Variants in CRPPA observed in about 807,000 individuals in gnomAD.
The protein encoded by CRPPA is CDP-L-ribitol pyrophosphorylase A.
In CRPPA, 43 loss-of-function variants were observed where a neutral mutation model predicts 52.0. That is an observed-to-expected ratio of 0.83 (90% CI 0.65 to 1.07). The LOEUF (loss-of-function observed/expected upper bound fraction) is 1.07. Ranked by LOEUF, CRPPA falls within the 50% of genes least tolerant of loss-of-function variation. The pLI is 0.00. For missense variants in CRPPA, 629 were observed against 551.7 expected (o/e 1.14, Z -1.40); for synonymous variants, 250 against 203.5 (o/e 1.23, Z -1.94).
At chr7:16,340,151 TAAAAGGTAACAAAGGAGAA>T (rs770497253) in intron 3 of CRPPA, among the ~76,000 whole-genome samples, 13 of 151,970 alleles carry the variant, frequency 8.6e-5, no homozygotes, top group Admixed American at 4.6e-4. Flanking sequence ...ATAAAACTCA[TAAAAGGTAACAAAGGAGAA>T]AAACCAAGAT....
chr7:16,246,938 G>C (rs951414966), intron 8 of CRPPA, among the ~76,000 whole-genome samples: 1 of 152,228 alleles, frequency 6.6e-6, no homozygotes, highest in Non-Finnish European at 1.5e-5. Flanking sequence ...CTCCTAATAA[G>C]TGTCAGTCTA....
chr7:16,409,889 G>C (rs1788037901), intron 1 of CRPPA, among the ~76,000 whole-genome samples: 1 of 151,902 alleles, frequency 6.6e-6, no homozygotes, highest in Non-Finnish European at 1.5e-5. Context: ...TGTCTGTTTT[G>C]TCCATTGCCT....
chr7:16,345,430 C>G (rs1785987805), intron 3 of CRPPA, among the ~76,000 whole-genome samples: 1 of 152,060 alleles, frequency 6.6e-6, no homozygotes, highest in Non-Finnish European at 1.5e-5. Flanking sequence ...AAAGTAAGCA[C>G]ATATACAAAT....
rs536285736 is a variant in CRPPA at position 16,320,895 on chromosome 7, A to C, written c.685-12268T>G. Among the ~76,000 whole-genome samples, 63 of 152,304 alleles carry C rather than the reference A, an allele frequency of 4.1e-4. 1 individual carries two copies. Among genetic ancestry groups the C allele is most frequent in the African/African-American group, 1.4e-3 (60 of 41,570 alleles). On this transcript the variant is annotated intron_variant, in intron 3 of 9. Coordinates refer to ENST00000407010, the MANE Select transcript of CRPPA (RefSeq NM_001101426.4). Reference sequence around the variant, plus strand: ...ATAAACAATTTCAGACTAAGTCCATATGAGGCTGATAATATAGCTACAACC... The same window carrying C: ...ATAAACAATTTCAGACTAAGTCCATCTGAGGCTGATAATATAGCTACAACC...
chr7:16,183,256 G>A (rs1781445925), intron 9 of CRPPA, among the ~76,000 whole-genome samples: 1 of 152,200 alleles, frequency 6.6e-6, no homozygotes. Flanking sequence ...CATAGTTGAT[G>A]TTCCTAACAT....
At chr7:16,155,393 A>G (rs938463501) in intron 9 of CRPPA, among the ~76,000 whole-genome samples, 12 of 152,166 alleles carry the variant, frequency 7.9e-5, no homozygotes, top group African/African-American at 2.4e-4. Flanking sequence ...TTCATGGACA[A>G]CATAAGTCTA....
chr7:16,102,800 A>C (rs975530691), intron 9 of CRPPA, among the ~76,000 whole-genome samples: 2 of 152,176 alleles, frequency 1.3e-5, no homozygotes, highest in Non-Finnish European at 2.9e-5. Context: ...AAAAGTCAGG[A>C]AACAACAGAT....
At chr7:16,228,447 C>G (rs1331680088) in intron 8 of CRPPA, among the ~76,000 whole-genome samples, 1 of 151,866 alleles carries the variant, frequency 6.6e-6, no homozygotes, top group African/African-American at 2.4e-5. Context: ...TTGCTATCAA[C>G]TTCCCTGTTA....
intron 9 of CRPPA, among the ~76,000 whole-genome samples, chr7:16,135,444 T>A (rs1782746423): frequency 6.6e-6 from 1 of 152,162 alleles, no homozygotes; most frequent in African/African-American, 2.4e-5. Context: ...TTTTGCTTCC[T>A]CAGCTGGCAG....
intron 9 of CRPPA, among the ~76,000 whole-genome samples, chr7:16,092,230 T>G (rs917098650): frequency 6.6e-6 from 1 of 152,158 alleles, no homozygotes; most frequent in African/African-American, 2.4e-5. Flanking sequence ...TTGCTGTTTG[T>G]AAAGTAAGAA....
chr7:16,117,206 G>T (rs909031439), intron 9 of CRPPA, among the ~76,000 whole-genome samples: 1 of 152,132 alleles, frequency 6.6e-6, no homozygotes, highest in Non-Finnish European at 1.5e-5. Context: ...CATGTGAATC[G>T]GTTGTTTCTC....
chr7:16,368,583 T>A (rs1447906574), intron 3 of CRPPA, among the ~76,000 whole-genome samples: 2 of 152,242 alleles, frequency 1.3e-5, no homozygotes, highest in Non-Finnish European at 2.9e-5. Flanking sequence ...CACTTACACT[T>A]ACAAACAGGC....
At chr7:16,407,083 C>A (rs1787971703) in intron 1 of CRPPA, among the ~76,000 whole-genome samples, 1 of 152,178 alleles carries the variant, frequency 6.6e-6, no homozygotes, top group African/African-American at 2.4e-5. Context: ...TCAAACGATT[C>A]TCGTGCCTCA....
rs980285728 is a variant in CRPPA at position 16,344,792 on chromosome 7, T to C, written c.684+31300A>G. ...GAAAGAATTGGCACACCTGAAGATA[T>C]GTTAACTGAGATTATACAAACTGAG... On this transcript the variant is annotated intron_variant, in intron 3 of 9. Transcript: ENST00000407010. 3.3e-5 allele frequency among the ~76,000 whole-genome samples: 5 copies of C among 151,544 alleles called. No individual in the cohort carries two copies. In the East Asian group the frequency reaches 5.8e-4, roughly 18 times the overall value.
At chr7:16,100,050 C>T (rs1400078703) in intron 9 of CRPPA, among the ~76,000 whole-genome samples, 1 of 152,190 alleles carries the variant, frequency 6.6e-6, no homozygotes, top group Non-Finnish European at 1.5e-5. Context: ...CTATCAAACT[C>T]ACAATTTTCA....
intron 3 of CRPPA, among the ~76,000 whole-genome samples, chr7:16,352,970 G>C (rs1786197058): frequency 6.6e-6 from 1 of 151,644 alleles, no homozygotes. Context: ...ATTGTCATTA[G>C]CAAGAATACG....
chr7:16,261,412 A>G (rs1182295850), intron 6 of CRPPA, among the ~76,000 whole-genome samples: 1 of 152,086 alleles, frequency 6.6e-6, no homozygotes, highest in Non-Finnish European at 1.5e-5. Flanking sequence ...GGTCTGGTCA[A>G]TCATGCTGTT....
At chr7:16,288,191 C>T (rs973617283) in intron 5 of CRPPA, among the ~76,000 whole-genome samples, 2 of 152,018 alleles carry the variant, frequency 1.3e-5, no homozygotes, top group African/African-American at 4.8e-5. Flanking sequence ...ATATACATTT[C>T]CTTACATCAA....
chr7:16,383,070 G>A (rs1026020883), intron 2 of CRPPA, among the ~76,000 whole-genome samples: 3 of 152,176 alleles, frequency 2.0e-5, no homozygotes, highest in African/African-American at 7.2e-5. Flanking sequence ...GAAGTGCTCT[G>A]CTTTTTAGAG....
Sources: gnomAD v4.1 joint callset for allele counts (sites outside exome capture counted in the v4.1 genomes callset) on GRCh38, gnomAD v4.1.1 for gene constraint, MANE v1.5 for transcripts, NCBI Gene and HGNC (gene_info 2026-07-23, HGNC 2026-07-21) for gene names.